FAT3: variants seen among roughly 807,000 people sequenced by gnomAD.
FAT3 encodes the protein FAT atypical cadherin 3.
In FAT3, 95 loss-of-function variants were observed where a neutral mutation model predicts 310.2. The ratio of observed to expected loss-of-function variants is 0.31; its 90% CI spans 0.26 to 0.36. The LOEUF is 0.36. Ranked by LOEUF, FAT3 falls within the 10% of genes least tolerant of loss-of-function variation. The pLI, the probability that FAT3 is intolerant of heterozygous loss-of-function variation, is 1.00. For missense variants in FAT3, 5,408 were observed against 5,715.6 expected, an observed-to-expected ratio of 0.95 and a Z score of 1.74; for synonymous variants, 2,314 against 2,192.9, an observed-to-expected ratio of 1.06 and a Z score of -1.54.
chr11:92,413,663 G>T (rs1215708026), intron 2 of FAT3, among the ~76,000 whole-genome samples: 1 of 152,174 alleles, frequency 6.6e-6, no homozygotes, highest in East Asian at 1.9e-4. Flanking sequence ...TAGAATTTCA[G>T]CTTTCCCTGC....
intron 3 of FAT3, among the ~76,000 whole-genome samples, chr11:92,622,976 C>A (rs1012504146): frequency 2.6e-5 from 4 of 152,092 alleles, no homozygotes; most frequent in Non-Finnish European, 4.4e-5. Context: ...ACCACGAGAT[C>A]CCCCAGAGAA....
At chr11:92,276,091 C>T (rs185776621) in intron 1 of FAT3, among the ~76,000 whole-genome samples, 4 of 152,284 alleles carry the variant, frequency 2.6e-5, no homozygotes, top group Admixed American at 2.0e-4. Flanking sequence ...AATTGTAGTT[C>T]TTTGTGCTTG....
chr11:92,839,834 AAGGAGCTT>A (rs1203088765), intron 17 of FAT3, among the ~76,000 whole-genome samples: 3 of 152,218 alleles, frequency 2.0e-5, no homozygotes, highest in Non-Finnish European at 2.9e-5. Context: ...TTGACCCAAG[AAGGAGCTT>A]TGCATTCCCA....
At chr11:92,246,390 C>G (rs57733199) in intron 1 of FAT3, among the ~76,000 whole-genome samples, 1 of 151,872 alleles carries the variant, frequency 6.6e-6, no homozygotes, top group South Asian at 2.1e-4. Flanking sequence ...GAAAAGGGAG[C>G]AGATGAAAAT....
intron 1 of FAT3, among the ~76,000 whole-genome samples, chr11:92,329,172 G>T (rs1947842019): frequency 6.6e-6 from 1 of 151,314 alleles, no homozygotes; most frequent in Non-Finnish European, 1.5e-5. Flanking sequence ...ACATGTGGGG[G>T]TGCTATGGTC....
intron 3 of FAT3, among the ~76,000 whole-genome samples, chr11:92,612,558 G>C (rs1940616481): frequency 6.6e-6 from 1 of 152,158 alleles, no homozygotes; most frequent in Non-Finnish European, 1.5e-5. Context: ...GTGGGGAATT[G>C]AATTGATAAA....
chr11:92,817,896 GAGACTTAGGAAGAAA>G (rs1196811548), intron 13 of FAT3, among the ~76,000 whole-genome samples: 1 of 152,086 alleles, frequency 6.6e-6, no homozygotes, highest in African/African-American at 2.4e-5. Flanking sequence ...GCCATTAACC[GAGACTTAGGAAGAAA>G]AGCTTGGAGG....
rs532406660 is a variant in FAT3 at position 92,786,227 on chromosome 11, A to G, written c.4336-3716A>G. On this transcript the variant is annotated intron_variant, in intron 7 of 27. Transcript: ENST00000525166. The stretch of plus-strand genomic sequence containing the variant: ...TGTTTTAAAATGAATGTGTTCATTT[A>G]TAACCTGAAAGCTCAAAAAATATTC... Among the ~76,000 whole-genome samples the G allele has an allele frequency of 5.9e-5, 9 of 152,348 alleles. No homozygotes were observed. The East Asian group carries it at 9.6e-4, about 16-fold the overall frequency.
chr11:92,575,872 A>C (rs550711111), intron 3 of FAT3, among the ~76,000 whole-genome samples: 1 of 152,158 alleles, frequency 6.6e-6, no homozygotes, highest in African/African-American at 2.4e-5. Context: ...AGGAATAGAA[A>C]GGTGGAGCTT....
In FAT3 at chr11:92,801,458, A is replaced by G. The variant is rs768291816; in HGVS notation, c.8445A>G (p.Glu2815=). The stretch of plus-strand genomic sequence containing the variant: ...TGAATGACAACAAGCCAGTCTTTGA[A>G]ACTTCAAGCTATGACACCATTATAA... ...LDLNDNKPVF[E]TSSYDTIIME... Residue 2815 remains glutamate (E), a synonymous_variant, in exon 10 of 28, where the codon GAA becomes GAG. Coordinates refer to ENST00000525166, the MANE Select transcript of FAT3 (RefSeq NM_001367949.2). The G allele has an allele frequency of 6.2e-7, 1 of 1,613,838 alleles. No homozygotes were observed. The highest frequency in any genetic ancestry group is 8.5e-7 in the Non-Finnish European group (1 of 1,179,840).
chr11:92,550,832 T>G (rs373038211), intron 3 of FAT3, among the ~76,000 whole-genome samples: 1 of 151,794 alleles, frequency 6.6e-6, no homozygotes, highest in African/African-American at 2.4e-5. Flanking sequence ...ATAGGCTTCA[T>G]GCTAAAATGT....
rs1462203233 is a variant in FAT3, at chr11:92,867,097, C to T, written c.12015C>T (p.Phe4005=). The T allele has an allele frequency of 1.3e-6, 2 of 1,599,320 alleles. No homozygotes were observed. Among genetic ancestry groups the T allele is most frequent in the Non-Finnish European group, 1.7e-6 (2 of 1,173,520 alleles). Residue 4005 remains phenylalanine, a synonymous_variant, in exon 22 of 28, where the codon TTC becomes TTT. Transcript: ENST00000525166. ...CGCTGCAGAACAAGCGCAGCAGCTT[C>T]GCGGAGGTGGTGGGCCTGACGGAGC... ...ELPLQNKRSS[F]AEVVGLTELK... is the part of the protein sequence containing the mutation.
chr11:92,580,534 G>A (rs1426141410), intron 3 of FAT3, among the ~76,000 whole-genome samples: 1 of 152,094 alleles, frequency 6.6e-6, no homozygotes, highest in East Asian at 1.9e-4. Context: ...GAATCTGGCT[G>A]ATGTTTTGGT....
chr11:92,849,583 G>A (rs928676713), intron 19 of FAT3, among the ~76,000 whole-genome samples: 2 of 152,124 alleles, frequency 1.3e-5, no homozygotes, highest in African/African-American at 4.8e-5. Flanking sequence ...CTCCTTGACT[G>A]TAAACAAATA....
In FAT3 at chr11:92,715,479, T is replaced by G. The variant is rs530448089; in HGVS notation, c.3669+18034T>G. On this transcript the variant is annotated intron_variant, in intron 4 of 27. Transcript: ENST00000525166. The stretch of plus-strand genomic sequence containing the variant: ...TTAAATTGATATAAATTATCACTCA[T>G]GAGAATACACAGATATTTGGTGTGA... 2.5e-4 allele frequency among the ~76,000 whole-genome samples: 38 copies of G among 152,094 alleles called. 1 individual carries two copies. In the South Asian group the frequency reaches 7.9e-3, roughly 31 times the overall value.
chr11:92,373,408 G>A (rs1387920820), intron 2 of FAT3, among the ~76,000 whole-genome samples: 1 of 152,054 alleles, frequency 6.6e-6, no homozygotes, highest in African/African-American at 2.4e-5. Context: ...ACTCAGCCTC[G>A]TCAAAATCCA....
intron 13 of FAT3, among the ~76,000 whole-genome samples, chr11:92,819,239 T>C (rs1273391198): frequency 6.6e-6 from 1 of 152,132 alleles, no homozygotes; most frequent in Non-Finnish European, 1.5e-5. Context: ...GGTAGGACAG[T>C]GGTACTCAAA....
chr11:92,382,101 A>G (rs1949507967), intron 2 of FAT3, among the ~76,000 whole-genome samples: 1 of 152,178 alleles, frequency 6.6e-6, no homozygotes, highest in Non-Finnish European at 1.5e-5. Flanking sequence ...GACCTCATGA[A>G]AATGCTTCAT....
chr11:92,506,183 G>T (rs1388434812), intron 2 of FAT3, among the ~76,000 whole-genome samples: 5 of 152,086 alleles, frequency 3.3e-5, no homozygotes, highest in Non-Finnish European at 5.9e-5. Context: ...AGCACATTTT[G>T]CATTTTTGCA....
Sources: gnomAD v4.1 joint callset for allele counts (sites outside exome capture counted in the v4.1 genomes callset) on GRCh38, gnomAD v4.1.1 for gene constraint, MANE v1.5 for transcripts, NCBI Gene and HGNC (gene_info 2026-07-23, HGNC 2026-07-21) for gene names.